TBC1D14: variants seen among roughly 807,000 people sequenced by gnomAD.
TBC1D14 encodes TBC1 domain family, member 14.
A neutral mutation model predicts 79.0 loss-of-function variants in TBC1D14; 26 were observed. That is an observed-to-expected ratio of 0.33 (90% CI 0.24 to 0.46). The LOEUF is 0.46. Ranked by LOEUF, TBC1D14 falls within the 20% of genes least tolerant of loss-of-function variation. The pLI, the probability that TBC1D14 is intolerant of heterozygous loss-of-function variation, is 1.00. For missense variants in TBC1D14, 769 were observed against 887.6 expected, an observed-to-expected ratio of 0.87 and a Z score of 1.70; for synonymous variants, 394 against 349.9, an observed-to-expected ratio of 1.13 and a Z score of -1.40.
chr4:7,025,212 G>T lies in TBC1D14; in HGVS notation c.1966G>T (p.Ala656Ser). Reference sequence around the variant, plus strand: ...GGACCTGCCCGCCGAGGAGCTGTTTGCCTCCATCGCCACGATCCAGATGCA... The same window carrying T: ...GGACCTGCCCGCCGAGGAGCTGTTTTCCTCCATCGCCACGATCCAGATGCA... ...PEDLPAEELF[A>S]SIATIQMQSR... The change falls in exon 13 of 14, where the codon GCC becomes TCC. Residue 656 changes from alanine (A) to serine (S), a missense_variant. Around this residue, in one of 2 missense-constraint regions of TBC1D14, gnomAD observed 367 missense variants for 494.4 expected, o/e 0.74. Coordinates refer to ENST00000409757, the MANE Select transcript of TBC1D14 (RefSeq NM_020773.3). 6.2e-7 allele frequency: 1 copy of T among 1,614,242 alleles called. No homozygotes were observed. The highest frequency in any genetic ancestry group is 1.1e-5 in the South Asian group (1 of 91,086).
chr4:7,006,628 A>G lies in TBC1D14; in HGVS notation c.1352-4A>G. 6.2e-7 allele frequency: 1 copy of G among 1,613,302 alleles called. No homozygotes were observed. The highest frequency in any genetic ancestry group is 8.5e-7 in the Non-Finnish European group (1 of 1,179,532). On this transcript the variant is annotated splice_region_variant and splice_polypyrimidine_tract_variant and intron_variant, in intron 8 of 13. Transcript: ENST00000409757. ...ATGTAATTATTTTTGGCATCTTTTG[A>G]CAGATGCTGGTTTTTCAGCAGCAGA...
At chr4:6,987,126 T>G (rs985997860) in intron 3 of TBC1D14, 3 of 1,098,070 alleles carry the variant, frequency 2.7e-6, no homozygotes, top group Non-Finnish European at 3.3e-6. Flanking sequence ...CCCGCCCCCT[T>G]GGGAGTCTCC....
At chr4:6,954,117 G>GC in intron 2 of TBC1D14, 5 of 595,150 alleles carry the variant, frequency 8.4e-6, no homozygotes, top group Non-Finnish European at 1.5e-5. Flanking sequence ...CCGCCCTGCC[G>GC]CCCCCGCCTT....
chr4:6,978,024 G>A (rs1227352830), intron 3 of TBC1D14, among the ~76,000 whole-genome samples: 6 of 151,898 alleles, frequency 4.0e-5, no homozygotes, highest in Non-Finnish European at 8.8e-5. Flanking sequence ...CGTCTGGGAC[G>A]TGAGGAGCGA....
intron 8 of TBC1D14, among the ~76,000 whole-genome samples, chr4:7,006,419 G>A (rs918794140): frequency 6.6e-6 from 1 of 152,288 alleles, no homozygotes; most frequent in Middle Eastern, 3.4e-3. Context: ...TGATAATCTA[G>A]AATTAGCTGG....
intron 6 of TBC1D14, 99 bp downstream of exon 6, chr4:6,999,301 A>T: frequency 9.4e-7 from 1 of 1,064,616 alleles, no homozygotes; most frequent in Non-Finnish European, 1.4e-6. Context: ...GACACCCTGG[A>T]TGCAGCGAGT....
intron 3 of TBC1D14, among the ~76,000 whole-genome samples, chr4:6,979,146 G>A (rs913912427): frequency 6.6e-6 from 1 of 152,008 alleles, no homozygotes; most frequent in African/African-American, 2.4e-5. Context: ...AATCAAAATG[G>A]AGTTCTAAAA....
chr4:6,959,247 T>A (rs28645495), intron 2 of TBC1D14, among the ~76,000 whole-genome samples: 1,595 of 152,232 alleles, frequency 0.01, 24 homozygotes, highest in African/African-American at 0.036. Context: ...AGACGATAGG[T>A]GCTCACTTAA....
chr4:6,937,740 C>G (rs976306971), intron 2 of TBC1D14, among the ~76,000 whole-genome samples: 49 of 152,054 alleles, frequency 3.2e-4, no homozygotes, highest in Admixed American at 3.2e-3. Context: ...AGGCAGGGCT[C>G]AGGGACGTGT....
chr4:7,021,576 G>A (rs552741914), intron 12 of TBC1D14, among the ~76,000 whole-genome samples: 175 of 151,948 alleles, frequency 1.2e-3, no homozygotes, highest in Admixed American at 1.8e-3. Flanking sequence ...TGGCCTGGGC[G>A]ACACAGTGAG....
chr4:6,967,149 G>A (rs889517542), intron 2 of TBC1D14, among the ~76,000 whole-genome samples, 155 bp from the exon 3 acceptor site: 13 of 152,270 alleles, frequency 8.5e-5, no homozygotes, highest in Admixed American at 2.0e-4. Flanking sequence ...TTCTCCTGCC[G>A]CGTAATTCTG....
At chr4:6,980,882 A>AT (rs1442577561) in intron 3 of TBC1D14, among the ~76,000 whole-genome samples, 4 of 149,748 alleles carry the variant, frequency 2.7e-5, no homozygotes, top group African/African-American at 9.8e-5. Flanking sequence ...CGCCCGGCTA[A>AT]TTTTTTGTAT....
chr4:6,994,848 G>A (rs1256703025), intron 4 of TBC1D14, among the ~76,000 whole-genome samples: 2 of 143,276 alleles, frequency 1.4e-5, no homozygotes, highest in Non-Finnish European at 1.5e-5. Flanking sequence ...TGGGCAACAA[G>A]AGCAAAACTC....
chr4:7,020,622 TG>T (rs1392420147), intron 12 of TBC1D14, among the ~76,000 whole-genome samples: 1 of 152,252 alleles, frequency 6.6e-6, no homozygotes, highest in Non-Finnish European at 1.5e-5. Flanking sequence ...TGAGACTACC[TG>T]CTGACTTTCC....
At position 6,952,100 on chromosome 4, in the gene TBC1D14, G is replaced by A. The variant is rs540707348; in HGVS notation, c.723-15204G>A. ...ACCAGATGTGGTTTGAAACTCCCTG[G>A]GTAGTGGGAACCGATGAGAAGTGTT... On this transcript the variant is annotated intron_variant, in intron 2 of 13. Coordinates refer to ENST00000409757, the MANE Select transcript of TBC1D14 (RefSeq NM_020773.3). 1.5e-3 allele frequency among the ~76,000 whole-genome samples: 234 copies of A among 152,278 alleles called. 3 individuals carry two copies. Among genetic ancestry groups the A allele is most frequent in the Non-Finnish European group, 6.6e-4 (45 of 68,026 alleles).
At chr4:6,939,629 C>T (rs1262480337) in intron 2 of TBC1D14, among the ~76,000 whole-genome samples, 1 of 151,932 alleles carries the variant, frequency 6.6e-6, no homozygotes, top group African/African-American at 2.4e-5. Context: ...ACCCACTTCT[C>T]CCAAATCAAA....
chr4:7,014,081 GT>G (rs1721052686), intron 11 of TBC1D14, among the ~76,000 whole-genome samples: 1 of 152,214 alleles, frequency 6.6e-6, no homozygotes, highest in East Asian at 1.9e-4. Flanking sequence ...TATATTCCTG[GT>G]TTTTAGGAAA....
intron 3 of TBC1D14, among the ~76,000 whole-genome samples, chr4:6,993,782 G>T (rs541395673): frequency 7.9e-5 from 12 of 152,320 alleles, no homozygotes; most frequent in African/African-American, 2.9e-4. Context: ...GGCTGAAGCG[G>T]GTGGATCACC....
At chr4:6,999,320 C>T (rs920920331) in intron 6 of TBC1D14, 118 bp downstream of exon 6, 5 of 882,596 alleles carry the variant, frequency 5.7e-6, no homozygotes, top group Non-Finnish European at 9.2e-6. Flanking sequence ...GTTGAAGTTG[C>T]ATCATCTTCC....
Sources: allele counts gnomAD v4.1 joint callset (sites outside exome capture counted in the v4.1 genomes callset), GRCh38; gene constraint gnomAD v4.1.1; regional missense constraint gnomAD v4.1.1; transcripts MANE v1.5; gene names NCBI Gene and HGNC (gene_info 2026-07-23, HGNC 2026-07-21).